The following EYA2 variants were observed in gnomAD, a reference collection of about 807,000 sequenced individuals.
EYA2 encodes EYA transcriptional coactivator and phosphatase 2, also known as protein phosphatase EYA2.
Under a neutral mutation model 69.2 loss-of-function variants are expected in EYA2, and 31 were observed. The observed-to-expected ratio is 0.45, with a 90% CI of 0.34 to 0.60. The LOEUF (loss-of-function observed/expected upper bound fraction) is 0.60. Among genes scored for constraint, EYA2 ranks in the 20% least tolerant of loss-of-function variants. The pLI is 0.02. For synonymous variants in EYA2, 257 were observed against 279.4 expected (o/e 0.92, Z 0.80); for missense variants, 622 against 701.2 (o/e 0.89, Z 1.28).
chr20:47,105,514 A>C (rs980397668), intron 9 of EYA2, among the ~76,000 whole-genome samples: 1 of 151,998 alleles, frequency 6.6e-6, no homozygotes, highest in African/African-American at 2.4e-5. Context: ...AATCCCAGCT[A>C]CTCAGGAGGC....
At chr20:47,006,456 G>A (rs556031866) in intron 4 of EYA2, among the ~76,000 whole-genome samples, 16 of 152,294 alleles carry the variant, frequency 1.1e-4, no homozygotes, top group Middle Eastern at 3.4e-3. Flanking sequence ...GCCTGACTTC[G>A]CTGCCCCTGA....
chr20:47,074,597 C>G (rs2146478218), intron 7 of EYA2, among the ~76,000 whole-genome samples: 1 of 152,294 alleles, frequency 6.6e-6, no homozygotes, highest in East Asian at 1.9e-4. Flanking sequence ...GTTTAAAAGT[C>G]AGAAAATTTT....
At chr20:46,897,234 A>G (rs1983857582) in intron 1 of EYA2, among the ~76,000 whole-genome samples, 1 of 152,198 alleles carries the variant, frequency 6.6e-6, no homozygotes, top group Non-Finnish European at 1.5e-5. Flanking sequence ...AATTGATAAA[A>G]TGCTAGCTGC....
At chr20:47,120,244 C>A (rs530388389) in intron 9 of EYA2, among the ~76,000 whole-genome samples, 2 of 151,684 alleles carry the variant, frequency 1.3e-5, no homozygotes, top group South Asian at 4.2e-4. Context: ...GGCATGGTGG[C>A]GTGTGCCTGT....
intron 1 of EYA2, among the ~76,000 whole-genome samples, chr20:46,986,022 C>T (rs1002084189): frequency 4.6e-5 from 7 of 151,738 alleles, no homozygotes; most frequent in South Asian, 4.2e-4. Flanking sequence ...TTGCACATAC[C>T]GAAAAGAATG....
intron 9 of EYA2, among the ~76,000 whole-genome samples, chr20:47,122,150 C>A (rs1293351767): frequency 6.6e-6 from 1 of 152,142 alleles, no homozygotes; most frequent in Non-Finnish European, 1.5e-5. Flanking sequence ...GAAACCACCC[C>A]CTATAAATGG....
chr20:47,143,976 G>A (rs2033651514), intron 10 of EYA2, among the ~76,000 whole-genome samples: 1 of 152,248 alleles, frequency 6.6e-6, no homozygotes. Context: ...CCAACGTGAA[G>A]AAGGGGTTTT....
intron 1 of EYA2, among the ~76,000 whole-genome samples, chr20:46,928,909 A>C (rs1985534567): frequency 6.6e-6 from 1 of 152,152 alleles, no homozygotes; most frequent in Non-Finnish European, 1.5e-5. Context: ...TCTGAACTAC[A>C]AGCAAATTCT....
intron 10 of EYA2, among the ~76,000 whole-genome samples, chr20:47,163,983 G>C (rs531111772): frequency 6.6e-6 from 1 of 152,146 alleles, no homozygotes; most frequent in Non-Finnish European, 1.5e-5. Context: ...CCCTTCCACC[G>C]TCTCTGCCAG....
chr20:47,008,796 C>T (rs768277109), intron 4 of EYA2, among the ~76,000 whole-genome samples: 1 of 152,190 alleles, frequency 6.6e-6, no homozygotes, highest in Non-Finnish European at 1.5e-5. Context: ...CCTCCCTAAA[C>T]CTCTGTTTTC....
Position 47,175,509 on chromosome 20 carries a change from GCAATATACA to G in EYA2, c.1198+2655_1198+2663del, listed in dbSNP as rs576106467. ...CATTGGTAGATGGCTAATAGTGTCT[GCAATATACA>G]CAATATACACAAGGATTCATGCCAG... is the stretch of plus-strand genomic sequence containing the variant. On this transcript the variant is annotated intron_variant, in intron 12 of 15. Coordinates refer to ENST00000327619, the MANE Select transcript of EYA2 (RefSeq NM_005244.5). Among the ~76,000 whole-genome samples the G allele has an allele frequency of 2.7e-3, 413 of 152,142 alleles. 2 individuals carry two copies. Among genetic ancestry groups the G allele is most frequent in the African/African-American group, 9.5e-3 (394 of 41,454 alleles).
intron 5 of EYA2, among the ~76,000 whole-genome samples, chr20:47,063,392 C>CGTGTGCGTGTGTGTGTGTGT (rs1430441053): frequency 5.6e-5 from 8 of 143,372 alleles, no homozygotes; most frequent in African/African-American, 2.1e-4. Context: ...TGTGCGTGTG[C>CGTGTGCGTGTGTGTGTGTGT]GTGTGTGTGT....
In EYA2 at chr20:46,919,304, C is replaced by G. The variant is rs6018174; in HGVS notation, c.-11+24317C>G. Among the ~76,000 whole-genome samples the G allele has an allele frequency of 5.8e-3, 883 of 152,346 alleles. 15 individuals carry two copies. The highest frequency in any genetic ancestry group is 0.02 in the African/African-American group (825 of 41,570). ...GACTTCTCCTCTCTAGCTATGAAAG[C>G]CCTAGATGGGATCTTCTTCCAATCG... is the stretch of plus-strand genomic sequence containing the variant. On this transcript the variant is annotated intron_variant, in intron 1 of 15. Coordinates refer to ENST00000327619, the MANE Select transcript of EYA2 (RefSeq NM_005244.5).
chr20:47,136,591 A>G (rs2033480433), intron 9 of EYA2, among the ~76,000 whole-genome samples: 2 of 152,210 alleles, frequency 1.3e-5, no homozygotes, highest in South Asian at 4.1e-4. Flanking sequence ...ACAAAATAAA[A>G]TATAAGCCAG....
intron 1 of EYA2, among the ~76,000 whole-genome samples, chr20:46,927,856 C>T (rs979992216): frequency 6.6e-6 from 1 of 152,136 alleles, no homozygotes; most frequent in South Asian, 2.1e-4. Context: ...AAATACGAGT[C>T]GCTAGTACCT....
intron 5 of EYA2, among the ~76,000 whole-genome samples, chr20:47,063,380 T>C (rs939561078): frequency 9.8e-4 from 130 of 131,994 alleles, no homozygotes; most frequent in African/African-American, 3.8e-3. Flanking sequence ...TATTTGTGTG[T>C]GTGTGCGTGT....
At chr20:47,127,108 TAA>T (rs5841676) in intron 9 of EYA2, among the ~76,000 whole-genome samples, 70 of 149,104 alleles carry the variant, frequency 4.7e-4, no homozygotes, top group South Asian at 1.7e-3. Flanking sequence ...GAATCTCTTA[TAA>T]AAAAAAAAAG....
At chr20:47,080,008 A>G (rs1036511183) in intron 7 of EYA2, among the ~76,000 whole-genome samples, 1 of 152,200 alleles carries the variant, frequency 6.6e-6, no homozygotes, top group South Asian at 2.1e-4. Flanking sequence ...TCTGTAGAAC[A>G]CTCCACCCAA....
chr20:47,157,353 C>CAAAA (rs57425490), intron 10 of EYA2, among the ~76,000 whole-genome samples: 2 of 60,772 alleles, frequency 3.3e-5, no homozygotes, highest in Non-Finnish European at 3.1e-5. Flanking sequence ...GACTCCGTCT[C>CAAAA]AAAAAAAAAA....
Sources: allele counts gnomAD v4.1 joint callset (sites outside exome capture counted in the v4.1 genomes callset), GRCh38; gene constraint gnomAD v4.1.1; transcripts MANE v1.5; gene names NCBI Gene and HGNC (gene_info 2026-07-23, HGNC 2026-07-21).